The following NMRK1 variants were observed in gnomAD, a reference collection of about 807,000 sequenced individuals.
NMRK1 encodes the protein NRK 1.
NMRK1 carries 28 observed loss-of-function variants against 29.9 expected under a neutral mutation model. The ratio of observed to expected loss-of-function variants is 0.94; its 90% confidence interval spans 0.69 to 1.28. The LOEUF is 1.28. NMRK1 is among the 50% of genes most tolerant of loss of function. The pLI is 0.00. For synonymous variants in NMRK1, 58 were observed against 73.0 expected, an observed-to-expected ratio of 0.79 and a Z score of 1.05; for missense variants, 218 against 233.1, an observed-to-expected ratio of 0.94 and a Z score of 0.42.
chr9:75,062,572 T>G (rs1823085795), intron 8 of NMRK1, among the ~76,000 whole-genome samples: 1 of 152,180 alleles, frequency 6.6e-6, no homozygotes. Context: ...AAATACTAAT[T>G]TAAAAACAGA....
chr9:75,066,709 T>G (rs749231371), intron 8 of NMRK1, 48 bp downstream of exon 8: 2 of 1,004,886 alleles, frequency 2.0e-6, no homozygotes, highest in Non-Finnish European at 3.2e-6. Context: ...TGAATGATTT[T>G]CCTGGCTGTT....
chr9:75,069,297 A>T, intron 6 of NMRK1, 195 bp from the exon 7 acceptor site: 1 of 549,350 alleles, frequency 1.8e-6, no homozygotes. Flanking sequence ...TATTAAAATT[A>T]ACTTTGTAAT....
chr9:75,069,513 G>T (rs992520558), intron 6 of NMRK1: 4 of 521,456 alleles, frequency 7.7e-6, no homozygotes, highest in Non-Finnish European at 3.4e-6. Context: ...GGATTTAGGA[G>T]AAATGAGCCG....
chr9:75,087,699 A>T (rs1824752319), intron 1 of NMRK1: 8 of 151,810 alleles, frequency 5.3e-5, no homozygotes, highest in Admixed American at 3.9e-4. Flanking sequence ...ACGCTAGAGG[A>T]ATGAGACCAT....
chr9:75,070,826 C>A (rs368258898), intron 4 of NMRK1, among the ~76,000 whole-genome samples: 2 of 151,952 alleles, frequency 1.3e-5, no homozygotes, highest in Non-Finnish European at 2.9e-5. Context: ...TTTTGGTAAG[C>A]GATGTCTTTC....
intron 2 of NMRK1, chr9:75,078,508 AGG>A: frequency 9.6e-7 from 1 of 1,040,186 alleles, no homozygotes; most frequent in Non-Finnish European, 1.2e-6. Flanking sequence ...TGCAGCATCG[AGG>A]AGATCACACG....
At chr9:75,074,416 C>T (rs1212643775) in intron 4 of NMRK1, among the ~76,000 whole-genome samples, 9 of 151,516 alleles carry the variant, frequency 5.9e-5, no homozygotes, top group Admixed American at 4.6e-4. Flanking sequence ...TTGAGACAGT[C>T]TCACTCTGTC....
chr9:75,061,564 A>G lies in NMRK1; in HGVS notation c.584T>C (p.Leu195Ser). 1 of 1,608,402 alleles carries G rather than the reference A, an allele frequency of 6.2e-7. No individual in the cohort carries two copies. The highest frequency in any genetic ancestry group is 8.5e-7 in the Non-Finnish European group (1 of 1,175,764). Residue 195 changes from leucine to serine, a missense_variant, in exon 9 of 9, where the codon TTG becomes TCG. Leu to Ser is a moderately radical substitution (Grantham distance 145). Transcript: ENST00000361092. ...GTTCCGTCTTTATGCTGTCACTTGC[A>G]AACCTTGGGAATAAACATAAAAAGA... ...LIQELAKQKC[L>S]QVTA
chr9:75,061,612 TC>T (rs746618091), intron 8 of NMRK1, 45 bp from the exon 9 acceptor site: 48 of 1,480,490 alleles, frequency 3.2e-5, no homozygotes, highest in Admixed American at 1.6e-4. Flanking sequence ...ATTCCAATTC[TC>T]ATTTTATTAA....
chr9:75,085,837 C>T (rs1268920276), intron 1 of NMRK1, among the ~76,000 whole-genome samples: 4 of 142,002 alleles, frequency 2.8e-5, no homozygotes, highest in Non-Finnish European at 6.0e-5. Flanking sequence ...CTGGGCATAC[C>T]CTATCAGCTA....
At chr9:75,065,232 C>T (rs1587356006) in intron 8 of NMRK1, among the ~76,000 whole-genome samples, 3 of 152,088 alleles carry the variant, frequency 2.0e-5, no homozygotes, top group Admixed American at 2.0e-4. Flanking sequence ...CAGTGGCGTG[C>T]AATCTTAGCT....
rs1385029429 is a variant in NMRK1, at chr9:75,077,224, G to C, written c.121-17C>G. 1 of 1,563,012 alleles carries C rather than the reference G, an allele frequency of 6.4e-7. No homozygotes were observed. On this transcript the variant is annotated splice_polypyrimidine_tract_variant and intron_variant, in intron 3 of 8. Coordinates refer to ENST00000361092, the MANE Select transcript of NMRK1 (RefSeq NM_017881.3). ...AGACTCTGGCTGGAAAAATAATAAAGTACCCATCAAAACAGTGTGTAGGAA... is the reference window on the plus strand; with the variant it reads ...AGACTCTGGCTGGAAAAATAATAAACTACCCATCAAAACAGTGTGTAGGAA...
intron 8 of NMRK1, among the ~76,000 whole-genome samples, chr9:75,062,453 T>C (rs1823078581): frequency 6.6e-6 from 1 of 152,214 alleles, no homozygotes; most frequent in Non-Finnish European, 1.5e-5. Context: ...TGTCAAGTCT[T>C]ACATTTCTCT....
intron 8 of NMRK1, among the ~76,000 whole-genome samples, chr9:75,063,319 AAG>A (rs1344677189): frequency 4.7e-5 from 7 of 149,850 alleles, no homozygotes; most frequent in Non-Finnish European, 8.9e-5. Context: ...AAAAAAAAAA[AAG>A]AAAGAAAAAA....
At chr9:75,078,634 C>T (rs1231943885) in intron 2 of NMRK1, 3 of 988,982 alleles carry the variant, frequency 3.0e-6, no homozygotes, top group Non-Finnish European at 3.9e-6. Flanking sequence ...AAAAATTATA[C>T]CTTTATTTTC....
chr9:75,063,275 C>A (rs1306729579), intron 8 of NMRK1, among the ~76,000 whole-genome samples: 1 of 141,474 alleles, frequency 7.1e-6, no homozygotes, highest in Non-Finnish European at 1.5e-5. Flanking sequence ...CACTGCACTC[C>A]AGCCTGGGCG....
intron 8 of NMRK1, among the ~76,000 whole-genome samples, chr9:75,061,805 T>C (rs1823036630): frequency 6.6e-6 from 1 of 152,246 alleles, no homozygotes; most frequent in South Asian, 2.1e-4. Flanking sequence ...GTAGTTCGTA[T>C]AGTAATCCTT....
At chr9:75,071,934 T>G (rs1235212798) in intron 4 of NMRK1, among the ~76,000 whole-genome samples, 3 of 152,184 alleles carry the variant, frequency 2.0e-5, no homozygotes. Flanking sequence ...GCTTCCTGTT[T>G]GGTTCCACTG....
intron 2 of NMRK1, chr9:75,078,572 G>T: frequency 7.9e-7 from 1 of 1,271,382 alleles, no homozygotes; most frequent in Non-Finnish European, 9.9e-7. Context: ...GTTTTAACCT[G>T]GGGCTCATGT....
Sources: allele counts gnomAD v4.1 joint callset (sites outside exome capture counted in the v4.1 genomes callset), GRCh38; gene constraint gnomAD v4.1.1; transcripts MANE v1.5; gene names NCBI Gene and HGNC (gene_info 2026-07-23, HGNC 2026-07-21).